The following TNKS1BP1 variants were observed in gnomAD, a reference collection of about 807,000 sequenced individuals.
TNKS1BP1 encodes CCR4-NOT transcription complex subunit 12, also known as 182 kDa tankyrase-1-binding protein.
TNKS1BP1 carries 48 observed loss-of-function variants against 141.1 expected under a neutral mutation model. The observed-to-expected ratio is 0.34, with a 90% CI of 0.27 to 0.43. The LOEUF (loss-of-function observed/expected upper bound fraction) is 0.43. Among genes scored for constraint, TNKS1BP1 ranks in the 20% least tolerant of loss-of-function variants. TNKS1BP1 has a pLI of 1.00. For missense variants in TNKS1BP1, 2,149 were observed against 2,226.0 expected (o/e 0.97, Z 0.70); for synonymous variants, 875 against 898.2 (o/e 0.97, Z 0.46).
At position 57,313,322 on chromosome 11, in the gene TNKS1BP1, T is replaced by C; in HGVS notation, c.1366A>G (p.Ser456Gly). 1 of 1,612,902 alleles carries C rather than the reference T, an allele frequency of 6.2e-7. No homozygotes were observed. ...SLAALPQGQG[S>G]QLALDRPFGA... ...AAGGGACGATCCAGGGCCAACTGGC[T>C]CCCCTGGCCTTGGGGCAGGGCAGCC... Residue 456 changes from serine to glycine, a missense_variant, in exon 5 of 12, where the codon AGC becomes GGC. Physicochemically the swap from Ser to Gly is moderately conservative, Grantham distance 56. Transcript: ENST00000358252.
Position 57,310,591 on chromosome 11 carries a change from A to G in TNKS1BP1, c.2155-35T>C, listed in dbSNP as rs757668671. 16 of 1,576,184 alleles carry G rather than the reference A, an allele frequency of 1.0e-5. No individual in the cohort carries two copies. In the South Asian group the frequency reaches 1.5e-4, roughly 15 times the overall value. ...AGAAAAAAAAACAGACAAAGAAACA[A>G]CGATTAGATTCCATCAGGGTGGGAG... On this transcript the variant is annotated intron_variant, in intron 5 of 11. Transcript: ENST00000358252.
intron 6 of TNKS1BP1, among the ~76,000 whole-genome samples, chr11:57,308,015 T>A (rs1257787550): frequency 6.6e-6 from 1 of 152,154 alleles, no homozygotes; most frequent in African/African-American, 2.4e-5. Context: ...GCCCTATACC[T>A]ATGAAACCAC....
chr11:57,312,069 C>T (rs2134361295), intron 5 of TNKS1BP1, among the ~76,000 whole-genome samples: 1 of 152,282 alleles, frequency 6.6e-6, no homozygotes, highest in South Asian at 2.1e-4. Flanking sequence ...CTTTTAAGGT[C>T]ACACCTGGGC....
At chr11:57,321,679 C>T in intron 2 of TNKS1BP1, 113 bp downstream of exon 2, 1 of 1,247,570 alleles carries the variant, frequency 8.0e-7, no homozygotes. Flanking sequence ...GTACTCCTTC[C>T]CTATCTCAAC....
intron 1 of TNKS1BP1, among the ~76,000 whole-genome samples, chr11:57,323,813 G>A (rs1281639946): frequency 1.3e-5 from 2 of 152,234 alleles, no homozygotes; most frequent in East Asian, 3.8e-4. Flanking sequence ...GGAACATAGT[G>A]TGGGTGGTTG....
chr11:57,303,874 AC>A (rs1855568099), intron 6 of TNKS1BP1, among the ~76,000 whole-genome samples: 1 of 152,040 alleles, frequency 6.6e-6, no homozygotes, highest in Non-Finnish European at 1.5e-5. Context: ...ACATAGCAAG[AC>A]CCCATCTAAA....
intron 1 of TNKS1BP1, among the ~76,000 whole-genome samples, chr11:57,322,943 T>A (rs1190301830): frequency 6.6e-6 from 1 of 152,218 alleles, no homozygotes; most frequent in Non-Finnish European, 1.5e-5. Flanking sequence ...GGTAGAAGCC[T>A]GTCACATGAG....
In TNKS1BP1 at chr11:57,302,772, T is replaced by C; in HGVS notation, c.4370A>G (p.Glu1457Gly). 1 of 1,563,974 alleles carries C rather than the reference T, an allele frequency of 6.4e-7. No homozygotes were observed. Among genetic ancestry groups the C allele is most frequent in the South Asian group, 1.2e-5 (1 of 86,646 alleles). Reference sequence around the variant, plus strand: ...GGAGCTGCTGGCTGCCAGCATCTCCTCCAGCAGGCCCTGGGAGCCGGAGGG... The same window carrying C: ...GGAGCTGCTGGCTGCCAGCATCTCCCCCAGCAGGCCCTGGGAGCCGGAGGG... ...PPPSGSQGLL[E>G]EMLAASSSKA... The change falls in exon 7 of 12, where the codon GAG becomes GGG. Residue 1457 changes from glutamate to glycine, a missense_variant. By Grantham distance (98) the Glu-to-Gly change is moderately conservative. Coordinates refer to ENST00000358252, the MANE Select transcript of TNKS1BP1 (RefSeq NM_033396.3). This position sits in a 1 kb window ranked among gnomAD's most constrained non-coding sequence, Gnocchi z 5.5.
rs991502867 is a variant in TNKS1BP1 at position 57,307,994 on chromosome 11, C to T, written c.4316+401G>A. Among the ~76,000 whole-genome samples, 3 of 152,314 alleles carry T rather than the reference C, an allele frequency of 2.0e-5. No homozygotes were observed. The South Asian group carries it at 6.2e-4, about 32-fold the overall frequency. Reference sequence around the variant, plus strand: ...TGTGGTGGCCCCAGCCAAGAAGACACGGAATTCTCTGCCCTATACCTATGA... The same window carrying T: ...TGTGGTGGCCCCAGCCAAGAAGACATGGAATTCTCTGCCCTATACCTATGA... On this transcript the variant is annotated intron_variant, in intron 6 of 11. Coordinates refer to ENST00000358252, the MANE Select transcript of TNKS1BP1 (RefSeq NM_033396.3).
At chr11:57,319,986 T>C in intron 3 of TNKS1BP1, 93 bp downstream of exon 3, 2 of 1,534,220 alleles carry the variant, frequency 1.3e-6, no homozygotes, top group Admixed American at 1.8e-5. Context: ...CACAACCCTA[T>C]ATGGGGCCAT....
At position 57,321,900 on chromosome 11, in the gene TNKS1BP1, C is replaced by T. The variant is rs770754926; in HGVS notation, c.-15G>A. On this transcript the variant is annotated 5_prime_UTR_variant, in exon 2 of 12. Coordinates refer to ENST00000358252, the MANE Select transcript of TNKS1BP1 (RefSeq NM_033396.3). Reference sequence around the variant, plus strand: ...GACACTTTCATCACATGCGGCAGACCCTCCTTGAGAGCGGGGAGGCAGAGA... The same window carrying T: ...GACACTTTCATCACATGCGGCAGACTCTCCTTGAGAGCGGGGAGGCAGAGA... 1 of 1,613,796 alleles carries T rather than the reference C, an allele frequency of 6.2e-7. No homozygotes were observed.
chr11:57,306,271 C>A (rs1855607910), intron 6 of TNKS1BP1, among the ~76,000 whole-genome samples: 1 of 135,944 alleles, frequency 7.4e-6, no homozygotes, highest in African/African-American at 3.1e-5. Context: ...GGGCGATAGA[C>A]CAAGACTCCG....
At position 57,312,696 on chromosome 11, in the gene TNKS1BP1, C is replaced by T; in HGVS notation, c.1992G>A (p.Glu664=). Residue 664 remains glutamate, a synonymous_variant, in exon 5 of 12, where the codon GAG becomes GAA. Transcript: ENST00000358252. ...GGGATGCCCTACACAAGTCTTGAGC[C>T]TCTGTCCTGGCTTGGGTGGTCTCAG... ...ARAETTQART[E]AQDLCRASPE... The T allele has an allele frequency of 6.4e-7, 1 of 1,574,780 alleles. No homozygotes were observed. Among genetic ancestry groups the T allele is most frequent in the Non-Finnish European group, 8.6e-7 (1 of 1,161,156 alleles).
Position 57,300,979 on chromosome 11 carries a change from GCTCGA to G in TNKS1BP1, c.5029_5033del (p.Ser1677ProfsTer56). 1 of 1,614,126 alleles carries G rather than the reference GCTCGA, an allele frequency of 6.2e-7. No homozygotes were observed. Among genetic ancestry groups the G allele is most frequent in the Admixed American group, 1.7e-5 (1 of 60,014 alleles). Reference sequence around the variant, plus strand: ...AACGCTGGACCGCGGACTCCTTCTGGCTCGACTTGCTCTCAGCCAGCTCTCCCTCC... The same window carrying G: ...AACGCTGGACCGCGGACTCCTTCTGGCTTGCTCTCAGCCAGCTCTCCCTCC... On this transcript the variant is annotated frameshift_variant, in exon 10 of 12. Coordinates refer to ENST00000358252, the MANE Select transcript of TNKS1BP1 (RefSeq NM_033396.3). LOFTEE classifies it high-confidence loss of function.
Position 57,320,265 on chromosome 11 carries a change from CG to C in TNKS1BP1, c.541del (p.Arg181AlafsTer46). 1 of 1,614,174 alleles carries C rather than the reference CG, an allele frequency of 6.2e-7. No individual in the cohort carries two copies. The highest frequency in any genetic ancestry group is 8.5e-7 in the Non-Finnish European group (1 of 1,180,024). Reference protein sequence around the residue: ...PRKEVLASPDRLWGSRLTFNH... With the variant: ...PRKEVLASPDXLWGSRLTFNH... ...AAAGGTGAGGCGGGAACCCCACAGG[CG>C]GTCGGGGCTGGCAAGGACCTCCTTC... On this transcript the variant is annotated frameshift_variant, in exon 3 of 12. Transcript: ENST00000358252. LOFTEE classifies it high-confidence loss of function.
chr11:57,309,260 G>T lies in TNKS1BP1; in HGVS notation c.3451C>A (p.Pro1151Thr), dbSNP rs202035258. ...ACCGAGCCAGCTGTGGTCTTCCCAG[G>T]AGGCACAAAGTGACCACCTTCCATC... ...SKMEGGHFVP[P>T]GKTTAGSVDW... Residue 1151 changes from proline (P) to threonine (T), a missense_variant, in exon 6 of 12, where the codon CCT becomes ACT. By Grantham distance (38) the Pro-to-Thr change is conservative. Coordinates refer to ENST00000358252, the MANE Select transcript of TNKS1BP1 (RefSeq NM_033396.3). This position sits in a 1 kb window ranked among gnomAD's most constrained non-coding sequence, Gnocchi z 4.3. 2.5e-6 allele frequency: 4 copies of T among 1,614,124 alleles called. No individual in the cohort carries two copies. Among genetic ancestry groups the T allele is most frequent in the Non-Finnish European group, 2.5e-6 (3 of 1,180,028 alleles).
intron 5 of TNKS1BP1, chr11:57,311,403 G>C (rs896448428): frequency 2.0e-6 from 2 of 985,648 alleles, no homozygotes; most frequent in Non-Finnish European, 2.4e-6. Context: ...TGCTGGGTGC[G>C]GCCAGCCGGG....
intron 6 of TNKS1BP1, among the ~76,000 whole-genome samples, chr11:57,306,916 T>TGGGGGGGGGG (rs1189050190): frequency 1.5e-3 from 17 of 11,404 alleles, no homozygotes; most frequent in South Asian, 3.3e-3. Flanking sequence ...GGGGGGGGGT[T>TGGGGGGGGGG]GGGTGGGAGG....
chr11:57,318,980 T>TA (rs1554963090), intron 3 of TNKS1BP1, among the ~76,000 whole-genome samples: 2 of 151,734 alleles, frequency 1.3e-5, no homozygotes, highest in Non-Finnish European at 2.9e-5. Flanking sequence ...CCATCTCTAC[T>TA]AAAAATACAA....
Sources: gnomAD v4.1 joint callset for allele counts (sites outside exome capture counted in the v4.1 genomes callset) on GRCh38, gnomAD v4.1.1 for gene constraint, Gnocchi (gnomAD v3.1) non-coding constraint, MANE v1.5 for transcripts, NCBI Gene and HGNC (gene_info 2026-07-23, HGNC 2026-07-21) for gene names.